Variants in CDKN2B-AS1 observed in about 807,000 individuals in gnomAD.
CDKN2B-AS1 encodes CDKN2B and CDKN2A antisense cis and trans regulatory RNA 1.
chr9:22,047,036 G>A (rs1823136981), intron 2 of CDKN2B-AS1: 1 of 152,018 alleles, frequency 6.6e-6, no homozygotes, highest in Admixed American at 6.6e-5. Context: ...TGAAAATGAG[G>A]GTGATCTAAA....
At chr9:22,076,263 C>G (rs927790897) in intron 4 of CDKN2B-AS1, among the ~76,000 whole-genome samples, 3 of 151,702 alleles carry the variant, frequency 2.0e-5, no homozygotes, top group African/African-American at 7.3e-5. Flanking sequence ...CATGTTGGCC[C>G]GGCTGGTCTT....
In CDKN2B-AS1 at chr9:22,107,437, G is replaced by A. The variant is rs548781223; in HGVS notation, n.439-19666G>A. Among the ~76,000 whole-genome samples, 138 of 152,258 alleles carry A rather than the reference G, an allele frequency of 9.1e-4. 1 individual carries two copies. Among genetic ancestry groups the A allele is most frequent in the Non-Finnish European group, 1.5e-3 (99 of 68,014 alleles). On this transcript the variant is annotated intron_variant and non_coding_transcript_variant, in intron 4 of 4. Transcript: ENST00000650946. ...TCAGTCTAGACTAAAAACAAACAAA[G>A]CAGCCTCCTCTGAAATGCTGGAAAC...
At chr9:22,045,260 G>C (rs1823062090) in intron 1 of CDKN2B-AS1, among the ~76,000 whole-genome samples, 1 of 151,808 alleles carries the variant, frequency 6.6e-6, no homozygotes, top group Non-Finnish European at 1.5e-5. Flanking sequence ...TTATATATTA[G>C]ACATTTAAGA....
intron 4 of CDKN2B-AS1, chr9:22,058,568 T>C (rs561371438): frequency 6.6e-6 from 1 of 152,344 alleles, no homozygotes; most frequent in Middle Eastern, 3.4e-3. Flanking sequence ...GTTGAATCAG[T>C]CACGATAAGC....
Position 22,000,347 on chromosome 9 carries a change from G to A in CDKN2B-AS1, n.29+5186G>A, listed in dbSNP as rs536410996. 1.4e-3 allele frequency among the ~76,000 whole-genome samples: 207 copies of A among 152,274 alleles called. 3 individuals are homozygous for A. The highest frequency in any genetic ancestry group is 4.8e-3 in the African/African-American group (198 of 41,572). ...TGGTATGCTTCCCTAGAAAGGGGAC[G>A]ACCTTAAATCTTTCTGTTTATGGTG... On this transcript the variant is annotated intron_variant and non_coding_transcript_variant, in intron 1 of 4. Coordinates refer to ENST00000650946, the Ensembl canonical transcript of CDKN2B-AS1. This position sits in a 1 kb window ranked among gnomAD's most constrained non-coding sequence, Gnocchi z 4.1.
At chr9:22,099,650 T>C (rs1178851001) in intron 4 of CDKN2B-AS1, among the ~76,000 whole-genome samples, 2 of 152,004 alleles carry the variant, frequency 1.3e-5, no homozygotes, top group African/African-American at 4.8e-5. Context: ...TTAGATGAAA[T>C]ACAGTAGTCC....
At chr9:22,091,435 G>A (rs1825080657) in intron 4 of CDKN2B-AS1, among the ~76,000 whole-genome samples, 2 of 152,110 alleles carry the variant, frequency 1.3e-5, no homozygotes, top group South Asian at 2.1e-4. Flanking sequence ...CCATTTTCAT[G>A]TTATTGATTC....
rs1820715346 is a variant in CDKN2B-AS1 at position 21,996,893 on chromosome 9, G to A, written n.29+1732G>A. 6.6e-6 allele frequency among the ~76,000 whole-genome samples: 1 copy of A among 152,186 alleles called. No homozygotes were observed. The highest frequency in any genetic ancestry group is 2.4e-5 in the African/African-American group (1 of 41,436). ...CTAGTTGTTGCAATAAAGCATGGTG[G>A]GGAAAGGAGAAAAGGCACGTATTAA... On this transcript the variant is annotated intron_variant and non_coding_transcript_variant, in intron 1 of 4. Transcript: ENST00000650946. The surrounding 1 kb of genome is among the most constrained non-coding windows in gnomAD (Gnocchi z 5.4).
intron 1 of CDKN2B-AS1, among the ~76,000 whole-genome samples, chr9:22,043,270 T>C (rs982285362): frequency 6.6e-6 from 1 of 152,090 alleles, no homozygotes; most frequent in Non-Finnish European, 1.5e-5. Context: ...TGGATTTTAG[T>C]CACTGGTAAA....
chr9:22,092,561 T>C (rs1825129205), intron 4 of CDKN2B-AS1: 1 of 152,210 alleles, frequency 6.6e-6, no homozygotes, highest in South Asian at 2.1e-4. Context: ...AGAGGATGTA[T>C]GTGTCGAGGA....
At chr9:22,057,741 A>C (rs1434238179) in intron 4 of CDKN2B-AS1, among the ~76,000 whole-genome samples, 1 of 149,558 alleles carries the variant, frequency 6.7e-6, no homozygotes, top group East Asian at 2.0e-4. Flanking sequence ...TGCGAGGTGG[A>C]GGTTGCAGTG....
intron 1 of CDKN2B-AS1, among the ~76,000 whole-genome samples, chr9:22,025,899 A>G (rs1488762151): frequency 6.6e-6 from 1 of 152,114 alleles, no homozygotes; most frequent in Non-Finnish European, 1.5e-5. Context: ...ATTGCCTCAG[A>G]CACTCTGAAG....
At chr9:22,114,631 C>T (rs1331004540) in intron 4 of CDKN2B-AS1, among the ~76,000 whole-genome samples, 2 of 152,238 alleles carry the variant, frequency 1.3e-5, no homozygotes, top group African/African-American at 4.8e-5. Flanking sequence ...CAGGAACGGA[C>T]TTGCTTTAGT....
chr9:22,005,023 T>A lies in CDKN2B-AS1; in HGVS notation n.29+9862T>A, dbSNP rs898724585. On this transcript the variant is annotated intron_variant and non_coding_transcript_variant, in intron 1 of 4. Transcript: ENST00000650946. The surrounding 1 kb of genome is among the most constrained non-coding windows in gnomAD (Gnocchi z 4.9). ...GTTATGTTACTTAAAATCTCCCCAT[T>A]AAATAAGACAGTTGCTGAACAACTA... 1.3e-5 allele frequency: 3 copies of A among 232,972 alleles called. No individual in the cohort carries two copies. Among genetic ancestry groups the A allele is most frequent in the Non-Finnish European group, 2.5e-5 (3 of 118,044 alleles). 14.4% of individuals were successfully genotyped at this position (232,972 alleles called of 1,614,324 possible). A position where few individuals can be genotyped will look rare whatever the true frequency, so the allele number is the denominator to read the frequency against.
chr9:22,064,228 T>C (rs962121027), intron 4 of CDKN2B-AS1, among the ~76,000 whole-genome samples: 1 of 152,132 alleles, frequency 6.6e-6, no homozygotes, highest in African/African-American at 2.4e-5. Flanking sequence ...GTATTTCTAA[T>C]GACACAAACA....
intron 4 of CDKN2B-AS1, among the ~76,000 whole-genome samples, chr9:22,105,226 T>C (rs1825618562): frequency 6.6e-6 from 1 of 152,214 alleles, no homozygotes; most frequent in Non-Finnish European, 1.5e-5. Context: ...ATATGAAGAC[T>C]ATGGAGGGTA....
At chr9:22,023,262 A>T (rs201798054) in intron 1 of CDKN2B-AS1, among the ~76,000 whole-genome samples, 1 of 152,160 alleles carries the variant, frequency 6.6e-6, no homozygotes, top group Non-Finnish European at 1.5e-5. Flanking sequence ...AGGTAAACCA[A>T]TGAATTGTAG....
rs562504882 is a variant in CDKN2B-AS1, at chr9:22,061,447, A to C, written n.438+5060A>C. On this transcript the variant is annotated intron_variant and non_coding_transcript_variant, in intron 4 of 4. Coordinates refer to ENST00000650946, the Ensembl canonical transcript of CDKN2B-AS1. ...GTGAGGGTTGAGCATCATGAAGAAAAATATAAAGATCTTTAAAAAGTATAT... is the reference window on the plus strand; with the variant it reads ...GTGAGGGTTGAGCATCATGAAGAAACATATAAAGATCTTTAAAAAGTATAT... 1.6e-3 allele frequency among the ~76,000 whole-genome samples: 241 copies of C among 152,342 alleles called. 8 individuals are homozygous for C. In the South Asian group the frequency reaches 0.048, roughly 30 times the overall value.
intron 4 of CDKN2B-AS1, among the ~76,000 whole-genome samples, chr9:22,063,366 A>G (rs1013366781): frequency 6.6e-6 from 1 of 152,198 alleles, no homozygotes; most frequent in Non-Finnish European, 1.5e-5. Context: ...GAAGAAAATT[A>G]TGTTGCCTGC....
Sources: gnomAD v4.1 joint callset for allele counts (sites outside exome capture counted in the v4.1 genomes callset) on GRCh38, gnomAD v4.1.1 for gene constraint, Gnocchi (gnomAD v3.1) non-coding constraint, MANE v1.5 for transcripts, NCBI Gene and HGNC (gene_info 2026-07-23, HGNC 2026-07-21) for gene names.